Variants in EVX1 observed in about 807,000 individuals in gnomAD.
EVX1 encodes even-skipped homeobox 1, also known as homeobox even-skipped homolog protein 1.
Under a neutral mutation model 28.6 loss-of-function variants are expected in EVX1, and 19 were observed. That is an observed-to-expected ratio of 0.67 (90% CI 0.46 to 0.98). EVX1 has a LOEUF of 0.98. Among genes scored for constraint, EVX1 ranks in the 50% least tolerant of loss-of-function variants. The pLI is 0.00. For synonymous variants in EVX1, 324 were observed against 278.2 expected (o/e 1.16, Z -1.64); for missense variants, 660 against 583.0 (o/e 1.13, Z -1.36).
Position 27,243,391 on chromosome 7 carries a change from G to A in EVX1, c.361G>A (p.Glu121Lys). 2 of 1,612,268 alleles carry A rather than the reference G, an allele frequency of 1.2e-6. No individual in the cohort carries two copies. Among genetic ancestry groups the A allele is most frequent in the Non-Finnish European group, 8.5e-7 (1 of 1,179,806 alleles). Residue 121 changes from glutamate to lysine, a missense_variant, in exon 1 of 3, where the codon GAA (glutamate) becomes AAA (lysine). Physicochemically the swap from Glu to Lys is moderately conservative, Grantham distance 56. Coordinates refer to ENST00000496902, the MANE Select transcript of EVX1 (RefSeq NM_001989.5). ...CTCGGACACCGAGTCGGATTTCTATGAAGAAATCGAGGTGAGCTGCACCCC... is the reference window on the plus strand; with the variant it reads ...CTCGGACACCGAGTCGGATTTCTATAAAGAAATCGAGGTGAGCTGCACCCC... The part of the protein sequence containing the change: ...SSSDTESDFY[E>K]EIEVSCTPDC...
chr7:27,243,166 G>T lies in EVX1; in HGVS notation c.136G>T (p.Gly46Cys). The change falls in exon 1 of 3, where the codon GGT becomes TGT. Residue 46 changes from glycine (G) to cysteine (C), a missense_variant. This residue lies in a region of EVX1 where 308 missense variants were observed against 256.6 expected (regional missense o/e 1.20). Coordinates refer to ENST00000496902, the MANE Select transcript of EVX1 (RefSeq NM_001989.5). ...PEPPEKMVPRGCLSPRAVPPA... is the reference protein window; with the variant it reads ...PEPPEKMVPRCCLSPRAVPPA... ...GCCGCCCGAGAAAATGGTGCCCCGT[G>T]GTTGCCTGAGCCCTCGGGCCGTCCC... 2 of 1,586,872 alleles carry T rather than the reference G, an allele frequency of 1.3e-6. No individual in the cohort carries two copies. The highest frequency in any genetic ancestry group is 1.1e-5 in the South Asian group (1 of 87,302).
At chr7:27,244,973 A>G in intron 1 of EVX1, 75 bp from the exon 2 acceptor site, 1 of 1,544,406 alleles carries the variant, frequency 6.5e-7, no homozygotes, top group South Asian at 1.2e-5. Context: ...CTCCCACCTT[A>G]GGCCTACAGC....
chr7:27,243,280 C>G lies in EVX1; in HGVS notation c.250C>G (p.Pro84Ala), dbSNP rs968154364. Reference protein sequence around the residue: ...AGSAAGPGAEPQVAGAAMLGP... With the variant: ...AGSAAGPGAEAQVAGAAMLGP... ...CAGCGCGGCGGGGCCGGGCGCCGAG[C>G]CCCAGGTAGCTGGGGCGGCCATGCT... The change falls in exon 1 of 3, where the codon CCC (proline) becomes GCC (alanine). Residue 84 changes from proline (P) to alanine (A), a missense_variant. Pro to Ala is a conservative substitution (Grantham distance 27, BLOSUM62 -1). Transcript: ENST00000496902. The G allele has an allele frequency of 1.9e-6, 3 of 1,548,458 alleles. No homozygotes were observed. The African/African-American group carries it at 4.1e-5, about 21-fold the overall frequency.
intron 1 of EVX1, chr7:27,243,894 C>T (rs1199955590): frequency 6.4e-6 from 1 of 155,938 alleles, no homozygotes; most frequent in Non-Finnish European, 1.4e-5. Flanking sequence ...AAAATTGCGG[C>T]CCACTTGGGC....
Position 27,246,767 on chromosome 7 carries a change from C to A in EVX1, c.*342C>A. 3.0e-6 allele frequency: 1 copy of A among 336,368 alleles called. No homozygotes were observed. The highest frequency in any genetic ancestry group is 5.4e-6 in the Non-Finnish European group (1 of 185,028). The allele number at this position is 336,368 out of a possible 1,614,324, so 20.8% of individuals were successfully genotyped here. A position where few individuals can be genotyped will look rare whatever the true frequency, so the allele number is the denominator to read the frequency against. The stretch of plus-strand genomic sequence containing the variant: ...AGCAACAGCAACCAATATCCAGTCC[C>A]TCGGCCCCTCGGCCCCTCACCCTCC... On this transcript the variant is annotated 3_prime_UTR_variant, in exon 3 of 3. Coordinates refer to ENST00000496902, the MANE Select transcript of EVX1 (RefSeq NM_001989.5).
chr7:27,247,544 C>G lies in EVX1; in HGVS notation c.*1119C>G, dbSNP rs144807708. On this transcript the variant is annotated 3_prime_UTR_variant, in exon 3 of 3. Transcript: ENST00000496902. ...CCACTGGAGCTTGACTTTCAGATAC[C>G]AGTGGGAGCCTTCTGTCCCTTTTGG... 3.9e-5 allele frequency: 6 copies of G among 152,288 alleles called. No homozygotes were observed. In the East Asian group the frequency reaches 1.2e-3, roughly 29 times the overall value. The allele number at this position is 152,288 out of a possible 1,614,324, so 9.4% of individuals were successfully genotyped here. A position where few individuals can be genotyped will look rare whatever the true frequency, so the allele number is the denominator to read the frequency against.
chr7:27,243,524 A>C, intron 1 of EVX1, 67 bp downstream of exon 1: 1 of 1,495,590 alleles, frequency 6.7e-7, no homozygotes, highest in Non-Finnish European at 8.9e-7. Flanking sequence ...GGCGCAGGCC[A>C]GGAGGAAGAC....
In EVX1 at chr7:27,243,340, C is replaced by T; in HGVS notation, c.310C>T (p.Leu104Phe). Residue 104 changes from leucine (L) to phenylalanine (F), a missense_variant, in exon 1 of 3, where the codon CTC becomes TTC. By Grantham distance (22) the Leu-to-Phe change is conservative. Coordinates refer to ENST00000496902, the MANE Select transcript of EVX1 (RefSeq NM_001989.5). ...PGPPAPSVDS[L>F]SGQGQPSSSD... ...ACCCCCGGCCCCCTCAGTCGACAGC[C>T]TCTCCGGACAGGGGCAACCCAGTAG... 1 of 1,604,550 alleles carries T rather than the reference C, an allele frequency of 6.2e-7. No individual in the cohort carries two copies. The highest frequency in any genetic ancestry group is 8.5e-7 in the Non-Finnish European group (1 of 1,176,432).
chr7:27,245,798 A>G, intron 2 of EVX1, 88 bp from the exon 3 acceptor site: 1 of 1,507,102 alleles, frequency 6.6e-7, no homozygotes. Context: ...CTGCCCTGCG[A>G]ACACTGTCCC....
At chr7:27,244,910 C>T in intron 1 of EVX1, 138 bp from the exon 2 acceptor site, 2 of 1,357,702 alleles carry the variant, frequency 1.5e-6, no homozygotes, top group Non-Finnish European at 2.0e-6. Context: ...CCGCAGTACC[C>T]TAGCAGAAAC....
At chr7:27,243,752 G>A (rs1183257826) in intron 1 of EVX1, 1 of 346,368 alleles carries the variant, frequency 2.9e-6, no homozygotes, top group Non-Finnish European at 5.2e-6. Context: ...ACTGCTCGGG[G>A]AATGCTTCAA....
In EVX1 at chr7:27,246,496, C is replaced by A; in HGVS notation, c.*71C>A. ...CCCCCGGCCCCGGGACTCAGCCAGC[C>A]TCGCTCCTCGCTCCTCGCTCCTCGC... is the stretch of plus-strand genomic sequence containing the variant. On this transcript the variant is annotated 3_prime_UTR_variant, in exon 3 of 3. Transcript: ENST00000496902. 1 of 1,294,848 alleles carries A rather than the reference C, an allele frequency of 7.7e-7. No homozygotes were observed. The highest frequency in any genetic ancestry group is 1.1e-6 in the Non-Finnish European group (1 of 942,440). 80.2% of individuals were successfully genotyped at this position (1,294,848 alleles called of 1,614,324 possible).
At chr7:27,245,815 G>C (rs1222817344) in intron 2 of EVX1, 71 bp from the exon 3 acceptor site, 1 of 1,541,680 alleles carries the variant, frequency 6.5e-7, no homozygotes, top group East Asian at 2.3e-5. Flanking sequence ...TCCCCGGAGC[G>C]GGACCAGACT....
At chr7:27,243,559 G>C (rs1783086828) in intron 1 of EVX1, 102 bp downstream of exon 1, 4 of 1,306,760 alleles carry the variant, frequency 3.1e-6, no homozygotes, top group Non-Finnish European at 4.1e-6. Context: ...GGGCAGGATG[G>C]CTGGGGGGAC....
chr7:27,245,787 C>G, intron 2 of EVX1, 99 bp from the exon 3 acceptor site: 1 of 1,473,780 alleles, frequency 6.8e-7, no homozygotes, highest in Non-Finnish European at 9.0e-7. Context: ...TTTGGCTGTT[C>G]CTGCCCTGCG....
At chr7:27,243,615 C>G (rs1457278841) in intron 1 of EVX1, 158 bp downstream of exon 1, 1 of 790,924 alleles carries the variant, frequency 1.3e-6, no homozygotes, top group Non-Finnish European at 1.9e-6. Context: ...GCGGGGGTCT[C>G]CTACTGTGTT....
intron 2 of EVX1, among the ~76,000 whole-genome samples, chr7:27,245,533 A>G (rs1249255756): frequency 1.3e-5 from 2 of 152,184 alleles, no homozygotes; most frequent in Non-Finnish European, 2.9e-5. Context: ...GGAAGGGGAT[A>G]GAGTGCCTGT....
intron 2 of EVX1, 122 bp downstream of exon 2, chr7:27,245,426 T>C: frequency 7.1e-7 from 1 of 1,405,020 alleles, no homozygotes; most frequent in South Asian, 1.3e-5. Context: ...GCCCGGCGCG[T>C]GCAGATTGAC....
rs1783072459 is a variant in EVX1 at position 27,243,216 on chromosome 7, G to C, written c.186G>C (p.Gly62=). 6.4e-7 allele frequency: 1 copy of C among 1,552,608 alleles called. No homozygotes were observed. Among genetic ancestry groups the C allele is most frequent in the African/African-American group, 1.4e-5 (1 of 73,236 alleles). ...AVPPATRERG[G]GGPEEEPVDG... ...CTCCGGCCACCCGGGAGCGCGGCGG[G>C]GGAGGCCCGGAGGAGGAGCCGGTAG... Residue 62 remains glycine, a synonymous_variant, in exon 1 of 3, where the codon GGG becomes GGC. Coordinates refer to ENST00000496902, the MANE Select transcript of EVX1 (RefSeq NM_001989.5).
Sources: allele counts gnomAD v4.1 joint callset (sites outside exome capture counted in the v4.1 genomes callset), GRCh38; gene constraint gnomAD v4.1.1; regional missense constraint gnomAD v4.1.1; transcripts MANE v1.5; gene names NCBI Gene and HGNC (gene_info 2026-07-23, HGNC 2026-07-21).